LRRTM4: variants seen among roughly 807,000 people sequenced by gnomAD.
LRRTM4 encodes the protein leucine-rich repeat transmembrane neuronal protein 4.
In LRRTM4, 25 loss-of-function variants were observed where a neutral mutation model predicts 47.6. The ratio of observed to expected loss-of-function variants is 0.53; its 90% confidence interval spans 0.38 to 0.73. The LOEUF (loss-of-function observed/expected upper bound fraction) is 0.73, where lower values mean the gene tolerates loss of function less well. Among genes scored for constraint, LRRTM4 ranks in the 30% least tolerant of loss-of-function variants. The pLI, the probability that LRRTM4 is intolerant of heterozygous loss-of-function variation, is 0.00. For synonymous variants in LRRTM4, 311 were observed against 269.5 expected, an observed-to-expected ratio of 1.15 and a Z score of -1.51; for missense variants, 638 against 713.4, an observed-to-expected ratio of 0.89 and a Z score of 1.20.
At chr2:76,805,404 T>C (rs868582501) in intron 3 of LRRTM4, among the ~76,000 whole-genome samples, 1 of 152,172 alleles carries the variant, frequency 6.6e-6, no homozygotes. Flanking sequence ...TATCATTTTA[T>C]ATAAAGGTGA....
intron 3 of LRRTM4, among the ~76,000 whole-genome samples, chr2:76,981,442 A>G (rs1676604403): frequency 6.6e-6 from 1 of 152,036 alleles, no homozygotes; most frequent in Non-Finnish European, 1.5e-5. Context: ...ATCAAAATCT[A>G]TTTCAGTTGT....
At chr2:76,777,565 G>A (rs1440008739) in intron 3 of LRRTM4, among the ~76,000 whole-genome samples, 2 of 141,456 alleles carry the variant, frequency 1.4e-5, no homozygotes, top group African/African-American at 2.7e-5. Flanking sequence ...CTGTTTGTCT[G>A]TTGTTGGTGT....
At chr2:77,328,480 C>T (rs1421933743) in intron 3 of LRRTM4, among the ~76,000 whole-genome samples, 1 of 152,136 alleles carries the variant, frequency 6.6e-6, no homozygotes, top group African/African-American at 2.4e-5. Flanking sequence ...TCTTTCTTTT[C>T]TTCCTTTCAC....
intron 3 of LRRTM4, among the ~76,000 whole-genome samples, chr2:76,927,483 A>G (rs183440194): frequency 6.6e-6 from 1 of 152,232 alleles, no homozygotes; most frequent in African/African-American, 2.4e-5. Flanking sequence ...GAGACAAAAG[A>G]TGGAATTGGA....
chr2:76,762,620 T>G (rs73940049), intron 3 of LRRTM4, among the ~76,000 whole-genome samples: 1,831 of 152,296 alleles, frequency 0.012, 37 homozygotes, highest in African/African-American at 0.039. Context: ...ATGAAAAGGC[T>G]CCATGATTGT....
At chr2:76,896,141 T>G (rs2103728422) in intron 3 of LRRTM4, among the ~76,000 whole-genome samples, 1 of 152,154 alleles carries the variant, frequency 6.6e-6, no homozygotes, top group South Asian at 2.1e-4. Context: ...GAAAATTTCA[T>G]AAAATTAATG....
chr2:77,235,799 T>G (rs887790832), intron 3 of LRRTM4, among the ~76,000 whole-genome samples: 1 of 152,106 alleles, frequency 6.6e-6, no homozygotes, highest in Non-Finnish European at 1.5e-5. Context: ...TATTTTTGAC[T>G]GCTTTTTTGA....
intron 3 of LRRTM4, among the ~76,000 whole-genome samples, chr2:77,502,656 G>A (rs1678617496): frequency 6.6e-6 from 1 of 151,570 alleles, no homozygotes; most frequent in African/African-American, 2.4e-5. Context: ...AACAAAAAAA[G>A]TCATGTTACC....
chr2:77,234,400 A>C (rs1054513367), intron 3 of LRRTM4, among the ~76,000 whole-genome samples: 1 of 152,176 alleles, frequency 6.6e-6, no homozygotes, highest in Non-Finnish European at 1.5e-5. Context: ...GATTTCGAAT[A>C]ATCTGTGACT....
intron 3 of LRRTM4, among the ~76,000 whole-genome samples, chr2:77,203,244 G>T (rs528561529): frequency 1.3e-3 from 191 of 151,914 alleles, no homozygotes; most frequent in Non-Finnish European, 2.3e-3. Flanking sequence ...ACAAAAACAG[G>T]TCTCCATTCT....
chr2:76,964,494 G>T (rs1279855790), intron 3 of LRRTM4, among the ~76,000 whole-genome samples: 1 of 150,792 alleles, frequency 6.6e-6, no homozygotes, highest in Non-Finnish European at 1.5e-5. Context: ...TTTACCAATT[G>T]TTTTTTTCCT....
In LRRTM4 at chr2:77,118,561, G is replaced by A. The variant is rs139949721; in HGVS notation, c.1552-369645C>T. 3.9e-4 allele frequency among the ~76,000 whole-genome samples: 59 copies of A among 151,998 alleles called. No individual in the cohort carries two copies. The East Asian group carries it at 9.1e-3, about 23-fold the overall frequency. The stretch of plus-strand genomic sequence containing the variant: ...GGTATCATTATACAAAGTTATTTCT[G>A]AGACTATTTTGCTAAAGCATAATTG... On this transcript the variant is annotated intron_variant, in intron 3 of 3. Coordinates refer to ENST00000409884, the MANE Select transcript of LRRTM4 (RefSeq NM_001134745.3).
chr2:77,370,741 C>T (rs112730920), intron 3 of LRRTM4, among the ~76,000 whole-genome samples: 107 of 151,746 alleles, frequency 7.1e-4, no homozygotes, highest in African/African-American at 2.4e-3. Flanking sequence ...TAAACTGTCA[C>T]CATCAGACTT....
chr2:77,442,279 C>T (rs1416344699), intron 3 of LRRTM4, among the ~76,000 whole-genome samples: 1 of 152,136 alleles, frequency 6.6e-6, no homozygotes, highest in Non-Finnish European at 1.5e-5. Context: ...AAATCTACCA[C>T]ATTCAAACCA....
intron 3 of LRRTM4, among the ~76,000 whole-genome samples, chr2:77,349,939 T>C (rs1382677035): frequency 6.6e-6 from 1 of 152,142 alleles, no homozygotes; most frequent in African/African-American, 2.4e-5. Flanking sequence ...TCCAGTTAGT[T>C]CCCTGGCACT....
intron 3 of LRRTM4, among the ~76,000 whole-genome samples, chr2:76,920,281 G>T (rs1674391248): frequency 6.6e-6 from 1 of 152,008 alleles, no homozygotes; most frequent in African/African-American, 2.4e-5. Context: ...TATAAACATT[G>T]ATGTAAACCT....
At chr2:76,859,106 T>C (rs57418699) in intron 3 of LRRTM4, among the ~76,000 whole-genome samples, 3,984 of 152,266 alleles carry the variant, frequency 0.026, 171 homozygotes, top group African/African-American at 0.083. Context: ...TTTTCCATGC[T>C]ATCATTTTAT....
intron 3 of LRRTM4, among the ~76,000 whole-genome samples, chr2:77,367,730 G>A (rs1672514725): frequency 6.6e-6 from 1 of 151,802 alleles, no homozygotes; most frequent in Non-Finnish European, 1.5e-5. Context: ...AGAGACGGTA[G>A]GTAGGTCAAT....
chr2:77,027,268 T>A (rs761628744), intron 3 of LRRTM4, among the ~76,000 whole-genome samples: 1 of 152,088 alleles, frequency 6.6e-6, no homozygotes, highest in East Asian at 1.9e-4. Context: ...AATGGGGAAA[T>A]AGATGCTTTA....
Sources: gnomAD v4.1 joint callset for allele counts (sites outside exome capture counted in the v4.1 genomes callset) on GRCh38, gnomAD v4.1.1 for gene constraint, MANE v1.5 for transcripts, NCBI Gene and HGNC (gene_info 2026-07-23, HGNC 2026-07-21) for gene names.